The following RBM27 variants were observed in gnomAD, a reference collection of about 807,000 sequenced individuals.
RBM27 encodes RNA binding motif protein 27, also known as RNA-binding protein 27.
In RBM27, 22 loss-of-function variants were observed where a neutral mutation model predicts 135.3. The observed-to-expected ratio is 0.16, with a 90% CI of 0.12 to 0.23. The LOEUF (loss-of-function observed/expected upper bound fraction) is 0.23. RBM27 is among the 10% of genes least tolerant of loss of function. The pLI is 1.00. For missense variants in RBM27, 1,009 were observed against 1,281.0 expected, an observed-to-expected ratio of 0.79 and a Z score of 3.24; for synonymous variants, 481 against 442.4, an observed-to-expected ratio of 1.09 and a Z score of -1.10.
chr5:146,261,698 A>G lies in RBM27; in HGVS notation c.2082A>G (p.Thr694=), dbSNP rs1409379935. ...AGCTGCTCCTGCAACAACAGCAAAC[A>G]CTTAGTCACCTCTCACAGCAGCACC... ...SAQLLLQQQQ[T]LSHLSQQHHH... Residue 694 remains threonine, a synonymous_variant, in exon 13 of 21, where the codon ACA becomes ACG. Coordinates refer to ENST00000265271, the MANE Select transcript of RBM27 (RefSeq NM_018989.2). 5.0e-6 allele frequency: 8 copies of G among 1,614,048 alleles called. No homozygotes were observed. In the South Asian group the frequency reaches 5.5e-5, roughly 11 times the overall value.
intron 8 of RBM27, among the ~76,000 whole-genome samples, chr5:146,247,103 G>A (rs1216074549): frequency 2.0e-5 from 3 of 151,980 alleles, no homozygotes; most frequent in Non-Finnish European, 1.5e-5. Flanking sequence ...GGCTCAAGCA[G>A]TCCTCCAGCC....
chr5:146,274,048 G>A (rs1442382343), intron 19 of RBM27, among the ~76,000 whole-genome samples: 2 of 152,116 alleles, frequency 1.3e-5, no homozygotes, highest in Admixed American at 6.5e-5. Context: ...GCAATGGCAC[G>A]ATCTTGGCTC....
At chr5:146,214,620 T>C (rs1457132394) in intron 1 of RBM27, among the ~76,000 whole-genome samples, 1 of 152,202 alleles carries the variant, frequency 6.6e-6, no homozygotes, top group African/African-American at 2.4e-5. Flanking sequence ...TAAGAATAAT[T>C]GTAAAAGTCT....
rs563202822 is a variant in RBM27 at position 146,208,987 on chromosome 5, T to C, written c.59+5163T>C. On this transcript the variant is annotated intron_variant, in intron 1 of 20. Coordinates refer to ENST00000265271, the MANE Select transcript of RBM27 (RefSeq NM_018989.2). The stretch of plus-strand genomic sequence containing the variant: ...TTGTCTGTCTTACTTTAATAGACAT[T>C]GTTGTGTGAATCGGCATTTAATTTC... Among the ~76,000 whole-genome samples the C allele has an allele frequency of 2.0e-5, 3 of 152,234 alleles. No homozygotes were observed. The South Asian group carries it at 6.2e-4, about 32-fold the overall frequency.
At position 146,203,765 on chromosome 5, in the gene RBM27, C is replaced by T; in HGVS notation, c.-1C>T. 1.1e-5 allele frequency: 17 copies of T among 1,550,746 alleles called. No homozygotes were observed. The highest frequency in any genetic ancestry group is 1.5e-5 in the Non-Finnish European group (17 of 1,146,610). ...GCGGCCGAGCCCGCCTTCCCTGCAC[C>T]ATGCTCATAGAGGATGTGGATGCCC... On this transcript the variant is annotated 5_prime_UTR_variant, in exon 1 of 21. Coordinates refer to ENST00000265271, the MANE Select transcript of RBM27 (RefSeq NM_018989.2).
rs1581154863 is a variant in RBM27, at chr5:146,223,637, C to T, written c.303+110C>T. The T allele has an allele frequency of 3.9e-5, 49 of 1,261,304 alleles. No individual in the cohort carries two copies. The East Asian group carries it at 6.6e-4, about 17-fold the overall frequency. The allele number at this position is 1,261,304 out of a possible 1,614,324, so 78.1% of individuals were successfully genotyped here. A position where few individuals can be genotyped will look rare whatever the true frequency, so the allele number is the denominator to read the frequency against. On this transcript the variant is annotated intron_variant, in intron 3 of 20. Transcript: ENST00000265271. ...GTAATTGTGTATTGATTCAAGTTTC[C>T]GGATTTTAGGCATGGTACAGATTCT... is the stretch of plus-strand genomic sequence containing the variant.
rs535758645 is a variant in RBM27, at chr5:146,204,376, T to A, written c.59+552T>A. Among the ~76,000 whole-genome samples the A allele has an allele frequency of 1.2e-3, 176 of 152,130 alleles. 2 individuals are homozygous for A. Among genetic ancestry groups the A allele is most frequent in the Non-Finnish European group, 3.5e-4 (24 of 68,028 alleles). ...GAGGGATCAAGAATATTGAAGGATT[T>A]GAAAAATACTATGGAGTAGATGAAA... On this transcript the variant is annotated intron_variant, in intron 1 of 20. Transcript: ENST00000265271.
chr5:146,226,028 A>ATTTT (rs11291937), intron 3 of RBM27, among the ~76,000 whole-genome samples: 3 of 130,968 alleles, frequency 2.3e-5, no homozygotes, highest in East Asian at 2.2e-4. Flanking sequence ...AGCCTGCCTA[A>ATTTT]TTTTTTTTTT....
At chr5:146,261,946 A>C (rs1758419843) in intron 13 of RBM27, 140 bp downstream of exon 13, 1 of 856,476 alleles carries the variant, frequency 1.2e-6, no homozygotes, top group South Asian at 1.8e-5. Context: ...ATCTCCTGGG[A>C]TCTTATAGAA....
intron 10 of RBM27, 56 bp downstream of exon 10, chr5:146,255,148 G>A (rs1758053100): frequency 2.0e-6 from 3 of 1,471,544 alleles, no homozygotes; most frequent in African/African-American, 2.8e-5. Context: ...GTTGGATATA[G>A]TTATTACATT....
At chr5:146,250,988 G>A (rs186614672) in intron 8 of RBM27, among the ~76,000 whole-genome samples, 2 of 151,898 alleles carry the variant, frequency 1.3e-5, no homozygotes, top group Admixed American at 1.3e-4. Context: ...TCTTGGCCAG[G>A]CTGGTCTTGA....
At chr5:146,242,008 C>G (rs1285005019) in intron 8 of RBM27, among the ~76,000 whole-genome samples, 5 of 151,838 alleles carry the variant, frequency 3.3e-5, no homozygotes, top group Admixed American at 2.6e-4. Flanking sequence ...CCAGGCTGGT[C>G]TCAAACTGTG....
At chr5:146,270,158 G>A (rs1464884326) in intron 17 of RBM27, among the ~76,000 whole-genome samples, 3 of 152,092 alleles carry the variant, frequency 2.0e-5, no homozygotes, top group Non-Finnish European at 4.4e-5. Flanking sequence ...ATAATCAGAA[G>A]TTTTAGATCT....
chr5:146,247,373 T>C (rs1164349308), intron 8 of RBM27, among the ~76,000 whole-genome samples: 1 of 152,224 alleles, frequency 6.6e-6, no homozygotes, highest in Non-Finnish European at 1.5e-5. Flanking sequence ...AACAGTTTAC[T>C]ATTCCTTGTG....
intron 7 of RBM27, among the ~76,000 whole-genome samples, chr5:146,234,596 A>G (rs899598734): frequency 6.6e-6 from 1 of 152,334 alleles, no homozygotes; most frequent in South Asian, 2.1e-4. Context: ...GTCATTTAAA[A>G]AGCATTATTA....
chr5:146,275,554 A>C (rs1404473951), intron 19 of RBM27, among the ~76,000 whole-genome samples: 1 of 152,212 alleles, frequency 6.6e-6, no homozygotes, highest in African/African-American at 2.4e-5. Context: ...GGCATGAGCC[A>C]CTGCGCCCGG....
rs914299096 is a variant in RBM27 at position 146,286,536 on chromosome 5, T to A, written c.*506T>A. On this transcript the variant is annotated 3_prime_UTR_variant, in exon 21 of 21. Coordinates refer to ENST00000265271, the MANE Select transcript of RBM27 (RefSeq NM_018989.2). ...TATGTTTATTTTAATTTTAATTTTT[T>A]TTTTTTTTTACTTTGGAGGAGCCCA... 2 of 151,976 alleles carry A rather than the reference T, an allele frequency of 1.3e-5. No homozygotes were observed. The highest frequency in any genetic ancestry group is 4.8e-5 in the African/African-American group (2 of 41,386). 9.4% of individuals were successfully genotyped at this position (151,976 alleles called of 1,614,324 possible). A position where few individuals can be genotyped will look rare whatever the true frequency, so the allele number is the denominator to read the frequency against.
At chr5:146,272,722 CA>C (rs572288741) in intron 19 of RBM27, among the ~76,000 whole-genome samples, 14,801 of 117,350 alleles carry the variant, frequency 0.13, 918 homozygotes, top group South Asian at 0.25. Flanking sequence ...AACTCCATCT[CA>C]AAAAAAAAAA....
At chr5:146,224,717 A>G (rs1305267456) in intron 3 of RBM27, among the ~76,000 whole-genome samples, 1 of 151,934 alleles carries the variant, frequency 6.6e-6, no homozygotes, top group East Asian at 1.9e-4. Flanking sequence ...AATAATACCC[A>G]AAACACCCAT....
Sources: allele counts gnomAD v4.1 joint callset (sites outside exome capture counted in the v4.1 genomes callset), GRCh38; gene constraint gnomAD v4.1.1; transcripts MANE v1.5; gene names NCBI Gene and HGNC (gene_info 2026-07-23, HGNC 2026-07-21).